CARS2: variants seen among roughly 807,000 people sequenced by gnomAD.
CARS2 encodes the protein cysteinyl-tRNA synthetase 2, mitochondrial, also known as probable cysteine--tRNA ligase, mitochondrial.
CARS2 carries 52 observed loss-of-function variants against 68.8 expected under a neutral mutation model. The observed-to-expected ratio is 0.76, with a 90% CI of 0.61 to 0.95. The LOEUF (loss-of-function observed/expected upper bound fraction) is 0.95. Ranked by LOEUF, CARS2 falls within the 40% of genes least tolerant of loss-of-function variation. The pLI is 0.00. For synonymous variants in CARS2, 314 were observed against 303.6 expected (o/e 1.03, Z -0.36); for missense variants, 780 against 754.2 (o/e 1.03, Z -0.40).
intron 9 of CARS2, among the ~76,000 whole-genome samples, chr13:110,661,738 G>A (rs2062507404): frequency 6.6e-6 from 1 of 152,132 alleles, no homozygotes; most frequent in African/African-American, 2.4e-5. Context: ...ACACTTAGAG[G>A]CCACTGTAGG....
rs2062641635 is a variant in CARS2 at position 110,666,177 on chromosome 13, G to A, written c.919+1163C>T. ...AAATCAGTGCTCGGCTCCCTGAGGGGCGATGCCTTAAATATTCCACCACTG... is the reference window on the plus strand; with the variant it reads ...AAATCAGTGCTCGGCTCCCTGAGGGACGATGCCTTAAATATTCCACCACTG... On this transcript the variant is annotated intron_variant, in intron 8 of 14. Coordinates refer to ENST00000257347, the MANE Select transcript of CARS2 (RefSeq NM_024537.4). 5.1e-6 allele frequency: 5 copies of A among 985,400 alleles called. No homozygotes were observed. In the South Asian group the frequency reaches 2.3e-4, roughly 46 times the overall value. 61.0% of individuals were successfully genotyped at this position (985,400 alleles called of 1,614,324 possible). A position where few individuals can be genotyped will look rare whatever the true frequency, so the allele number is the denominator to read the frequency against.
intron 8 of CARS2, chr13:110,666,797 T>A (rs1299156579): frequency 2.0e-6 from 2 of 985,456 alleles, no homozygotes; most frequent in Non-Finnish European, 2.4e-6. Context: ...CAAAAGGTAA[T>A]AAGACTAGTT....
At chr13:110,680,958 C>A (rs997514962) in intron 6 of CARS2, among the ~76,000 whole-genome samples, 4 of 152,210 alleles carry the variant, frequency 2.6e-5, no homozygotes, top group Non-Finnish European at 5.9e-5. Flanking sequence ...TCGGCCAGGG[C>A]GTGGGACCCG....
At chr13:110,691,856 C>T (rs74473844) in intron 3 of CARS2, among the ~76,000 whole-genome samples, 3,702 of 151,468 alleles carry the variant, frequency 0.024, 133 homozygotes, top group East Asian at 0.079. Context: ...GGAGGAGTCC[C>T]GAGGGGCACA....
At chr13:110,692,859 G>C (rs2063511254) in intron 3 of CARS2, among the ~76,000 whole-genome samples, 1 of 151,790 alleles carries the variant, frequency 6.6e-6, no homozygotes, top group Non-Finnish European at 1.5e-5. Flanking sequence ...CATCTGTAAT[G>C]CCAGCACTTT....
chr13:110,669,508 A>T (rs768725890), intron 7 of CARS2, among the ~76,000 whole-genome samples: 1 of 152,168 alleles, frequency 6.6e-6, no homozygotes, highest in Non-Finnish European at 1.5e-5. Context: ...ATTTTTTAAA[A>T]CTGTTTATTA....
intron 6 of CARS2, among the ~76,000 whole-genome samples, chr13:110,679,595 GAA>G (rs1491495760): frequency 0.043 from 407 of 9,542 alleles, 1 homozygote; most frequent in Non-Finnish European, 0.06. Context: ...AAGAAAGAAA[GAA>G]AGAGAGAGAG....
At chr13:110,644,701 A>G (rs929720976) in intron 12 of CARS2, 59 of 721,370 alleles carry the variant, frequency 8.2e-5, no homozygotes, top group African/African-American at 1.8e-5. Flanking sequence ...CAGTTTACCC[A>G]TCAGTCATGT....
At chr13:110,667,874 C>T (rs559492444) in intron 7 of CARS2, among the ~76,000 whole-genome samples, 11 of 152,182 alleles carry the variant, frequency 7.2e-5, no homozygotes, top group Non-Finnish European at 1.3e-4. Flanking sequence ...CAGTCACCTA[C>T]GAATAACAAG....
chr13:110,695,411 A>G (rs2063591464), intron 3 of CARS2, among the ~76,000 whole-genome samples: 1 of 152,230 alleles, frequency 6.6e-6, no homozygotes, highest in East Asian at 1.9e-4. Context: ...GAAGATGTGC[A>G]TAGATTAAGT....
intron 9 of CARS2, among the ~76,000 whole-genome samples, chr13:110,660,904 G>A (rs2062486337): frequency 6.6e-6 from 1 of 151,762 alleles, no homozygotes; most frequent in Non-Finnish European, 1.5e-5. Context: ...TGAGATTACA[G>A]GTGTCCACCA....
At chr13:110,658,712 C>T (rs555931780) in intron 9 of CARS2, among the ~76,000 whole-genome samples, 2 of 152,246 alleles carry the variant, frequency 1.3e-5, no homozygotes, top group African/African-American at 2.4e-5. Context: ...CACCTGAGGT[C>T]AGGAGTTCCA....
At chr13:110,695,411 A>C (rs2063591464) in intron 3 of CARS2, among the ~76,000 whole-genome samples, 1 of 152,230 alleles carries the variant, frequency 6.6e-6, no homozygotes, top group Non-Finnish European at 1.5e-5. Flanking sequence ...GAAGATGTGC[A>C]TAGATTAAGT....
At chr13:110,646,441 G>C (rs1014693576) in intron 11 of CARS2, 7 of 180,016 alleles carry the variant, frequency 3.9e-5, no homozygotes, top group African/African-American at 1.4e-4. Context: ...CTCACAAAGA[G>C]AGGCTGGGGA....
intron 3 of CARS2, among the ~76,000 whole-genome samples, chr13:110,697,396 T>G (rs2063654117): frequency 6.6e-6 from 1 of 152,232 alleles, no homozygotes; most frequent in South Asian, 2.1e-4. Flanking sequence ...TTGCAAGATA[T>G]CAAATAAACT....
chr13:110,662,181 C>A (rs565652722), intron 9 of CARS2, among the ~76,000 whole-genome samples: 18 of 145,920 alleles, frequency 1.2e-4, no homozygotes, highest in Middle Eastern at 3.5e-3. Flanking sequence ...CCACTCTGCA[C>A]CATGCAACCC....
At chr13:110,689,255 G>A (rs963982349) in intron 3 of CARS2, among the ~76,000 whole-genome samples, 1 of 152,256 alleles carries the variant, frequency 6.6e-6, no homozygotes, top group African/African-American at 2.4e-5. Context: ...CTGCTCAAAT[G>A]GCCTTTGGGC....
Position 110,686,010 on chromosome 13 carries a change from GAAAAAA to G in CARS2, c.571+1705_571+1710del, listed in dbSNP as rs371300104. On this transcript the variant is annotated intron_variant, in intron 5 of 14. Coordinates refer to ENST00000257347, the MANE Select transcript of CARS2 (RefSeq NM_024537.4). ...AAAAAATGAAAAAAAAAAAAAAAGA[GAAAAAA>G]AGAAAAAAAGAAAGAGGAGGGGAAA... 6.4e-3 allele frequency among the ~76,000 whole-genome samples: 895 copies of G among 140,436 alleles called. 7 individuals are homozygous for G. The highest frequency in any genetic ancestry group is 0.022 in the African/African-American group (819 of 38,022). 92.1% of individuals were successfully genotyped at this position (140,436 alleles called of 152,430 possible).
At chr13:110,702,733 T>C (rs9588244) in intron 2 of CARS2, among the ~76,000 whole-genome samples, 5,835 of 152,260 alleles carry the variant, frequency 0.038, 368 homozygotes, top group African/African-American at 0.13. Context: ...GCAGGCAGGC[T>C]GTGACCACAG....
Sources: allele counts gnomAD v4.1 joint callset (sites outside exome capture counted in the v4.1 genomes callset), GRCh38; gene constraint gnomAD v4.1.1; transcripts MANE v1.5; gene names NCBI Gene and HGNC (gene_info 2026-07-23, HGNC 2026-07-21).